The following PCDHGA2 variants were observed in gnomAD, a reference collection of about 807,000 sequenced individuals.
PCDHGA2 encodes the protein protocadherin gamma-A2.
PCDHGA2 carries 40 observed loss-of-function variants against 59.2 expected under a neutral mutation model. The observed-to-expected ratio is 0.68, with a 90% CI of 0.52 to 0.88. The LOEUF (loss-of-function observed/expected upper bound fraction) is 0.88, where lower values mean the gene tolerates loss of function less well. Among genes scored for constraint, PCDHGA2 ranks in the 40% least tolerant of loss-of-function variants. The pLI is 0.00. For missense variants in PCDHGA2, 1,226 were observed against 1,204.0 expected, an observed-to-expected ratio of 1.02 and a Z score of -0.27; for synonymous variants, 560 against 526.0, an observed-to-expected ratio of 1.06 and a Z score of -0.89.
chr5:141,360,101 C>A lies in PCDHGA2; in HGVS notation c.2424+18706C>A. On this transcript the variant is annotated intron_variant, in intron 1 of 3. Coordinates refer to ENST00000394576, the MANE Select transcript of PCDHGA2 (RefSeq NM_018915.4). ...TTCTGCCATCCCCGGAAGGCTTATT[C>A]CTCCTATGGGCAAAGGAGCAAAGGG... 4.6e-6 allele frequency: 7 copies of A among 1,533,060 alleles called. No homozygotes were observed. The Middle Eastern group carries it at 5.4e-4, about 118-fold the overall frequency. The allele number at this position is 1,533,060 out of a possible 1,614,324, so 95.0% of individuals were successfully genotyped here.
chr5:141,385,048 C>A, intron 1 of PCDHGA2: 1 of 1,614,150 alleles, frequency 6.2e-7, no homozygotes, highest in Non-Finnish European at 8.5e-7. Flanking sequence ...GCTCAGGCTG[C>A]GGCGCTGGCA....
intron 1 of PCDHGA2, chr5:141,374,488 G>A (rs777789497): frequency 6.2e-7 from 1 of 1,611,190 alleles, no homozygotes; most frequent in East Asian, 2.2e-5. Flanking sequence ...GATTCTTAAA[G>A]GAAGAATTGG....
chr5:141,376,304 G>T, intron 1 of PCDHGA2: 1 of 1,614,218 alleles, frequency 6.2e-7, no homozygotes, highest in Non-Finnish European at 8.5e-7. Context: ...CTCGCACTTT[G>T]TGGGCGTGGA....
intron 1 of PCDHGA2, chr5:141,433,284 C>T: frequency 8.5e-7 from 1 of 1,176,236 alleles, no homozygotes; most frequent in Non-Finnish European, 1.2e-6. Flanking sequence ...GCCTCAAACT[C>T]CTAGGCTCAA....
At chr5:141,376,066 C>G in intron 1 of PCDHGA2, 1 of 1,613,396 alleles carries the variant, frequency 6.2e-7, no homozygotes, top group Non-Finnish European at 8.5e-7. Context: ...TCACGCTCAC[C>G]GTGGCCGTGG....
At chr5:141,422,345 A>G in intron 1 of PCDHGA2, 1 of 1,551,648 alleles carries the variant, frequency 6.4e-7, no homozygotes, top group South Asian at 1.3e-5. Context: ...CTAAATGTGC[A>G]AGATCAAGAT....
Position 141,490,142 on chromosome 5 carries a change from C to A in PCDHGA2, c.2425-4665C>A. On this transcript the variant is annotated intron_variant, in intron 1 of 3. Coordinates refer to ENST00000394576, the MANE Select transcript of PCDHGA2 (RefSeq NM_018915.4). This position sits in a 1 kb window ranked among gnomAD's most constrained non-coding sequence, Gnocchi z 5.4. The stretch of plus-strand genomic sequence containing the variant: ...TTTGGCCTAGACCCTAGCAGTGGGG[C>A]AATCCATGTGTTGGGTCCCATAGAC... The A allele has an allele frequency of 1.9e-6, 3 of 1,614,220 alleles. No individual in the cohort carries two copies. The highest frequency in any genetic ancestry group is 2.7e-5 in the African/African-American group (2 of 75,060).
intron 1 of PCDHGA2, chr5:141,399,154 G>T (rs780620346): frequency 1.2e-6 from 2 of 1,613,850 alleles, no homozygotes; most frequent in South Asian, 1.1e-5. Context: ...TAGCCCAGAA[G>T]TTACATTCCA....
At position 141,476,002 on chromosome 5, in the gene PCDHGA2, C is replaced by A; in HGVS notation, c.2425-18805C>A. 1 of 1,247,396 alleles carries A rather than the reference C, an allele frequency of 8.0e-7. No individual in the cohort carries two copies. Among genetic ancestry groups the A allele is most frequent in the Non-Finnish European group, 1.1e-6 (1 of 904,880 alleles). 77.3% of individuals were successfully genotyped at this position (1,247,396 alleles called of 1,614,324 possible). ...AGCCGGCGAGCAAATCAACGGCATC[C>A]AGAAAGCCATGTCGGACTCGGCGCC... On this transcript the variant is annotated intron_variant, in intron 1 of 3. Transcript: ENST00000394576. This position sits in a 1 kb window ranked among gnomAD's most constrained non-coding sequence, Gnocchi z 7.6.
intron 1 of PCDHGA2, among the ~76,000 whole-genome samples, chr5:141,480,386 A>G (rs966068994): frequency 6.6e-6 from 1 of 151,826 alleles, no homozygotes; most frequent in Non-Finnish European, 1.5e-5. Context: ...CTACACTTCA[A>G]CCATGGCAAT....
chr5:141,438,635 TACACAC>T (rs56854727), intron 1 of PCDHGA2, among the ~76,000 whole-genome samples: 557 of 33,182 alleles, frequency 0.017, 8 homozygotes, highest in South Asian at 0.028. Flanking sequence ...TATATATATA[TACACAC>T]ACACACACAC....
chr5:141,447,225 C>T (rs966197293), intron 1 of PCDHGA2, among the ~76,000 whole-genome samples: 9 of 151,960 alleles, frequency 5.9e-5, no homozygotes, highest in African/African-American at 7.3e-5. Flanking sequence ...CTGCAACCTC[C>T]GCCTCCCGGG....
intron 1 of PCDHGA2, among the ~76,000 whole-genome samples, chr5:141,454,250 C>T (rs1453631901): frequency 6.6e-6 from 1 of 151,974 alleles, no homozygotes; most frequent in African/African-American, 2.4e-5. Context: ...TGAAGATGTC[C>T]CAGAGAAAGT....
chr5:141,432,300 T>G lies in PCDHGA2; in HGVS notation c.2425-62507T>G, dbSNP rs1280788604. ...TCCATCAACTCCGACACTGGGGTACTGTATGCGCTGAGCTCCTTCGACTAC... is the reference window on the plus strand; with the variant it reads ...TCCATCAACTCCGACACTGGGGTACGGTATGCGCTGAGCTCCTTCGACTAC... On this transcript the variant is annotated intron_variant, in intron 1 of 3. Transcript: ENST00000394576. The surrounding 1 kb of genome is among the most constrained non-coding windows in gnomAD (Gnocchi z 6.0). 1.9e-6 allele frequency: 3 copies of G among 1,614,158 alleles called. No homozygotes were observed. The highest frequency in any genetic ancestry group is 2.5e-6 in the Non-Finnish European group (3 of 1,180,056).
chr5:141,385,730 A>G (rs763520161), intron 1 of PCDHGA2: 8 of 214,510 alleles, frequency 3.7e-5, no homozygotes, highest in Non-Finnish European at 5.7e-5. Flanking sequence ...GTTCTGAAAG[A>G]TTTCTTCCAT....
chr5:141,492,122 C>G (rs2154587050), intron 1 of PCDHGA2, among the ~76,000 whole-genome samples: 1 of 152,328 alleles, frequency 6.6e-6, no homozygotes, highest in Admixed American at 6.5e-5. Context: ...GATTTCTCCC[C>G]AGCTCCCAGC....
At chr5:141,415,884 A>C in intron 1 of PCDHGA2, 1 of 981,534 alleles carries the variant, frequency 1.0e-6, no homozygotes, top group Non-Finnish European at 1.4e-6. Context: ...TACAATATTG[A>C]CAATTCCTAA....
chr5:141,462,009 G>A (rs2099028674), intron 1 of PCDHGA2, among the ~76,000 whole-genome samples: 1 of 152,190 alleles, frequency 6.6e-6, no homozygotes, highest in Admixed American at 6.5e-5. Context: ...TTTTAATAGA[G>A]ACGGGGTTTC....
chr5:141,476,803 T>G lies in PCDHGA2; in HGVS notation c.2425-18004T>G, dbSNP rs756358461. 3 of 1,613,688 alleles carry G rather than the reference T, an allele frequency of 1.9e-6. No individual in the cohort carries two copies. The highest frequency in any genetic ancestry group is 2.2e-5 in the South Asian group (2 of 91,092). ...CCCCAGCTCTCTCCGCCAGCCTGCCTATTCACATCAAGGTGCTGGACGCGA... is the reference window on the plus strand; with the variant it reads ...CCCCAGCTCTCTCCGCCAGCCTGCCGATTCACATCAAGGTGCTGGACGCGA... On this transcript the variant is annotated intron_variant, in intron 1 of 3. Transcript: ENST00000394576. The surrounding 1 kb of genome is among the most constrained non-coding windows in gnomAD (Gnocchi z 7.6).
Sources: allele counts gnomAD v4.1 joint callset (sites outside exome capture counted in the v4.1 genomes callset), GRCh38; gene constraint gnomAD v4.1.1; non-coding constraint Gnocchi (gnomAD v3.1); transcripts MANE v1.5; gene names NCBI Gene and HGNC (gene_info 2026-07-23, HGNC 2026-07-21).